Variants in ANKRD27 observed in about 807,000 individuals in gnomAD.
The protein encoded by ANKRD27 is ankyrin repeat domain 27, also known as ankyrin repeat domain-containing protein 27.
In ANKRD27, 112 loss-of-function variants were observed where a neutral mutation model predicts 129.7. That is an observed-to-expected ratio of 0.86 (90% CI 0.74 to 1.01). The LOEUF is 1.01. ANKRD27 is among the 50% of genes least tolerant of loss of function. The pLI is 0.00. For synonymous variants in ANKRD27, 516 were observed against 511.2 expected (o/e 1.01, Z -0.13); for missense variants, 1,258 against 1,300.5 (o/e 0.97, Z 0.50).
rs1429708796 is a variant in ANKRD27 at position 32,597,562 on chromosome 19, A to T, written c.*583T>A. The stretch of plus-strand genomic sequence containing the variant: ...ATGTGCATGATGTGGAACAGGTCTG[A>T]TGCATCCTTTCACTAAAATGAATAT... On this transcript the variant is annotated 3_prime_UTR_variant, in exon 29 of 29. Coordinates refer to ENST00000306065, the MANE Select transcript of ANKRD27 (RefSeq NM_032139.3). The T allele has an allele frequency of 6.3e-6, 1 of 158,950 alleles. No individual in the cohort carries two copies. The highest frequency in any genetic ancestry group is 1.4e-5 in the Non-Finnish European group (1 of 71,192). 9.8% of individuals were successfully genotyped at this position (158,950 alleles called of 1,614,324 possible). A position where few individuals can be genotyped will look rare whatever the true frequency, so the allele number is the denominator to read the frequency against.
At chr19:32,619,436 C>A in intron 19 of ANKRD27, 57 bp from the exon 20 acceptor site, 1 of 1,613,980 alleles carries the variant, frequency 6.2e-7, no homozygotes. Context: ...ACGTGAGGAC[C>A]AGAGAAGGCG....
rs1966887901 is a variant in ANKRD27 at position 32,626,593 on chromosome 19, G to A, written c.1536+119C>T. Reference sequence around the variant, plus strand: ...CTGCAGCAGAGCTGGTGTGGAACGAGGGGGGCACAGCACCAGGAGACAGGG... The same window carrying A: ...CTGCAGCAGAGCTGGTGTGGAACGAAGGGGGCACAGCACCAGGAGACAGGG... On this transcript the variant is annotated intron_variant, in intron 16 of 28. Coordinates refer to ENST00000306065, the MANE Select transcript of ANKRD27 (RefSeq NM_032139.3). 5 of 708,554 alleles carry A rather than the reference G, an allele frequency of 7.1e-6. No homozygotes were observed. In the South Asian group the frequency reaches 1.0e-4, roughly 14 times the overall value. 43.9% of individuals were successfully genotyped at this position (708,554 alleles called of 1,614,324 possible).
At chr19:32,619,400 C>CGA in intron 19 of ANKRD27, 21 bp from the exon 20 acceptor site, 2 of 1,613,724 alleles carry the variant, frequency 1.2e-6, no homozygotes, top group Non-Finnish European at 1.7e-6. Context: ...GGAGCCCCAA[C>CGA]GAGAGAGAGG....
At chr19:32,651,473 G>C (rs549213777) in intron 2 of ANKRD27, among the ~76,000 whole-genome samples, 3 of 152,020 alleles carry the variant, frequency 2.0e-5, no homozygotes, top group African/African-American at 7.3e-5. Flanking sequence ...GGATTCACAC[G>C]ATTCTCCTGC....
chr19:32,669,181 T>C (rs1043825461), intron 1 of ANKRD27, among the ~76,000 whole-genome samples: 1 of 152,128 alleles, frequency 6.6e-6, no homozygotes, highest in African/African-American at 2.4e-5. Context: ...CCTCAACTAA[T>C]TCCCCAGGTC....
intron 1 of ANKRD27, among the ~76,000 whole-genome samples, chr19:32,671,201 T>A (rs1967863038): frequency 1.3e-5 from 2 of 151,728 alleles, no homozygotes; most frequent in South Asian, 4.2e-4. Context: ...GGCCAGAGGA[T>A]CACTTGAGCC....
intron 1 of ANKRD27, among the ~76,000 whole-genome samples, chr19:32,664,617 A>AAATAATAATAATAATAATAAT (rs3042684): frequency 7.8e-6 from 1 of 128,332 alleles, no homozygotes; most frequent in African/African-American, 2.8e-5. Flanking sequence ...CTCCATCCCC[A>AAATAATAATAATAATAATAAT]AATAATAATA....
At chr19:32,674,575 C>T (rs1257391060) in intron 1 of ANKRD27, among the ~76,000 whole-genome samples, 1 of 152,158 alleles carries the variant, frequency 6.6e-6, no homozygotes, top group Non-Finnish European at 1.5e-5. Flanking sequence ...GCAGAGACCC[C>T]CCCGCCCTGC....
chr19:32,603,376 C>A (rs1295574340), intron 25 of ANKRD27, among the ~76,000 whole-genome samples: 1 of 152,156 alleles, frequency 6.6e-6, no homozygotes, highest in East Asian at 1.9e-4. Context: ...TACTCGCTGT[C>A]TATCTTGGGT....
chr19:32,613,293 G>A (rs764423812), intron 22 of ANKRD27, among the ~76,000 whole-genome samples: 19 of 152,180 alleles, frequency 1.2e-4, no homozygotes, highest in Non-Finnish European at 2.4e-4. Context: ...TGGGGAGGAC[G>A]AGGAGGAACT....
intron 12 of ANKRD27, chr19:32,639,119 A>G: frequency 3.7e-6 from 2 of 535,880 alleles, no homozygotes; most frequent in Non-Finnish European, 6.6e-6. Context: ...ATGGGGACTA[A>G]TGAAGTAGGA....
At chr19:32,606,939 CAAAAAAAAAAA>C (rs532062312) in intron 23 of ANKRD27, among the ~76,000 whole-genome samples, 17 of 65,624 alleles carry the variant, frequency 2.6e-4, no homozygotes, top group African/African-American at 5.5e-4. Context: ...CCCATCTCCA[CAAAAAAAAAAA>C]AAAAAAAAAA....
chr19:32,623,462 C>T (rs73928818), intron 17 of ANKRD27, among the ~76,000 whole-genome samples: 8,000 of 152,036 alleles, frequency 0.053, 711 homozygotes, highest in African/African-American at 0.18. Flanking sequence ...ATGAGCTTCC[C>T]GAGTGGACCA....
At chr19:32,672,463 G>C (rs1025979690) in intron 1 of ANKRD27, among the ~76,000 whole-genome samples, 13 of 152,284 alleles carry the variant, frequency 8.5e-5, no homozygotes, top group Non-Finnish European at 1.8e-4. Flanking sequence ...ACGATAGTGG[G>C]GCATTAAGAG....
chr19:32,672,115 G>C (rs1478544639), intron 1 of ANKRD27, among the ~76,000 whole-genome samples: 1 of 152,218 alleles, frequency 6.6e-6, no homozygotes, highest in Admixed American at 6.5e-5. Context: ...TGCACTCCCT[G>C]CTGAAATCTC....
chr19:32,650,313 A>G (rs1005247439), intron 2 of ANKRD27, among the ~76,000 whole-genome samples: 45 of 152,344 alleles, frequency 3.0e-4, no homozygotes, highest in Admixed American at 2.2e-3. Flanking sequence ...GCACTTTGAG[A>G]GGCCAAGGCA....
intron 1 of ANKRD27, among the ~76,000 whole-genome samples, chr19:32,671,971 T>C (rs1354607994): frequency 1.3e-5 from 2 of 152,148 alleles, no homozygotes; most frequent in African/African-American, 4.8e-5. Context: ...GGGAGCAGCG[T>C]GCACACTCGT....
intron 26 of ANKRD27, among the ~76,000 whole-genome samples, chr19:32,600,954 G>A (rs763646178): frequency 1.3e-5 from 2 of 151,946 alleles, no homozygotes; most frequent in Non-Finnish European, 2.9e-5. Context: ...ACTGCTGTTC[G>A]GCAACTGCTG....
intron 1 of ANKRD27, among the ~76,000 whole-genome samples, chr19:32,665,395 T>G (rs1354564460): frequency 6.6e-6 from 1 of 151,654 alleles, no homozygotes; most frequent in Non-Finnish European, 1.5e-5. Context: ...GTTCAAGCAA[T>G]TCTCCTGCCT....
Sources: allele counts gnomAD v4.1 joint callset (sites outside exome capture counted in the v4.1 genomes callset), GRCh38; gene constraint gnomAD v4.1.1; transcripts MANE v1.5; gene names NCBI Gene and HGNC (gene_info 2026-07-23, HGNC 2026-07-21).